Variants in GATAD2A observed in about 807,000 individuals in gnomAD.
GATAD2A encodes the protein transcriptional repressor p66-alpha.
A neutral mutation model predicts 68.5 loss-of-function variants in GATAD2A; 12 were observed. That is an observed-to-expected ratio of 0.18 (90% CI 0.11 to 0.28). GATAD2A has a LOEUF of 0.28. Ranked by LOEUF, GATAD2A falls within the 10% of genes least tolerant of loss-of-function variation. The pLI is 1.00. For synonymous variants in GATAD2A, 410 were observed against 375.3 expected (o/e 1.09, Z -1.07); for missense variants, 755 against 868.5 (o/e 0.87, Z 1.64).
chr19:19,474,127 C>A (rs1437613871), intron 2 of GATAD2A: 2 of 985,104 alleles, frequency 2.0e-6, no homozygotes, highest in African/African-American at 3.5e-5. Flanking sequence ...AGGTGTGCAT[C>A]ACATAATTTT....
Position 19,507,921 on chromosome 19 carries a change from G to A in GATAD2A, c.*2447G>A, listed in dbSNP as rs1362380965. 1 of 152,212 alleles carries A rather than the reference G, an allele frequency of 6.6e-6. No homozygotes were observed. Among genetic ancestry groups the A allele is most frequent in the Non-Finnish European group, 1.5e-5 (1 of 68,052 alleles). 9.4% of individuals were successfully genotyped at this position (152,212 alleles called of 1,614,324 possible). Reference sequence around the variant, plus strand: ...TATTATGACGTTTATGATGTTCCAGGTGAAGGCATTATTAAGTACCTCTCT... The same window carrying A: ...TATTATGACGTTTATGATGTTCCAGATGAAGGCATTATTAAGTACCTCTCT... On this transcript the variant is annotated 3_prime_UTR_variant, in exon 12 of 12. Transcript: ENST00000683918.
At chr19:19,432,056 A>G (rs2053811337) in intron 1 of GATAD2A, among the ~76,000 whole-genome samples, 1 of 151,786 alleles carries the variant, frequency 6.6e-6, no homozygotes, top group South Asian at 2.1e-4. Flanking sequence ...GCTCACCACA[A>G]CCTCCATCTC....
At chr19:19,448,745 C>T (rs1187857394) in intron 1 of GATAD2A, among the ~76,000 whole-genome samples, 2 of 152,176 alleles carry the variant, frequency 1.3e-5, no homozygotes, top group African/African-American at 2.4e-5. Flanking sequence ...CCGCCTCAGC[C>T]TCCTAAAGTG....
At chr19:19,485,415 C>T (rs1302112248) in intron 2 of GATAD2A, among the ~76,000 whole-genome samples, 4 of 152,202 alleles carry the variant, frequency 2.6e-5, no homozygotes, top group Non-Finnish European at 4.4e-5. Context: ...TGGGTGTCCC[C>T]AGTGGTTTCA....
chr19:19,407,603 A>G (rs1035109060), intron 1 of GATAD2A, among the ~76,000 whole-genome samples: 7 of 152,222 alleles, frequency 4.6e-5, no homozygotes, highest in African/African-American at 1.7e-4. Context: ...CTTCTAAAAT[A>G]CAAGGCCATT....
At position 19,450,753 on chromosome 19, in the gene GATAD2A, A is replaced by C. The variant is rs551005319; in HGVS notation, c.-6-14587A>C. On this transcript the variant is annotated intron_variant, in intron 1 of 11. Coordinates refer to ENST00000683918, the MANE Select transcript of GATAD2A (RefSeq NM_001384528.1). ...GCAACCTCATTACATTAAAAAAAAAAAAAAAAAAACTCTTTTTTTTTGTTT... is the reference window on the plus strand; with the variant it reads ...GCAACCTCATTACATTAAAAAAAAACAAAAAAAAACTCTTTTTTTTTGTTT... Among the ~76,000 whole-genome samples the C allele has an allele frequency of 7.3e-5, 11 of 151,284 alleles. 1 individual carries two copies. In the South Asian group the frequency reaches 1.9e-3, roughly 26 times the overall value.
intron 1 of GATAD2A, among the ~76,000 whole-genome samples, chr19:19,450,144 A>AG (rs766691872): frequency 3.9e-5 from 6 of 152,098 alleles, no homozygotes; most frequent in Non-Finnish European, 7.4e-5. Context: ...CAAGAACTAG[A>AG]GATGATGGGA....
intron 2 of GATAD2A, among the ~76,000 whole-genome samples, chr19:19,473,443 G>A (rs1403669720): frequency 6.6e-6 from 1 of 152,214 alleles, no homozygotes; most frequent in Non-Finnish European, 1.5e-5. Flanking sequence ...TGCAAAACCA[G>A]TCGCAATTGG....
In GATAD2A at chr19:19,482,311, G is replaced by A. The variant is rs551402206; in HGVS notation, c.270-9995G>A. On this transcript the variant is annotated intron_variant, in intron 2 of 11. Transcript: ENST00000683918. ...CCCAGTTACTGGAGAGACTGAGGCC[G>A]GAGAATCACTTGAACCTGGGAGGCA... Among the ~76,000 whole-genome samples, 80 of 152,288 alleles carry A rather than the reference G, an allele frequency of 5.3e-4. 1 individual carries two copies. The highest frequency in any genetic ancestry group is 1.7e-3 in the African/African-American group (69 of 41,562).
upstream of GATAD2A, among the ~76,000 whole-genome samples, chr19:19,405,112 G>A (rs557236304): frequency 6.6e-6 from 1 of 152,236 alleles, no homozygotes; most frequent in South Asian, 2.1e-4. Context: ...GGCAGATTGG[G>A]AGGTAACTGG....
chr19:19,408,700 C>T (rs1251024174), intron 1 of GATAD2A, among the ~76,000 whole-genome samples: 1 of 152,124 alleles, frequency 6.6e-6, no homozygotes, highest in East Asian at 1.9e-4. Flanking sequence ...ACTGTGCCTT[C>T]GACACTGCGA....
At chr19:19,472,647 T>G (rs762462565) in intron 2 of GATAD2A, 4 of 152,074 alleles carry the variant, frequency 2.6e-5, no homozygotes, top group Admixed American at 6.5e-5. Flanking sequence ...ATTTGTTTTT[T>G]TTTTTGGATG....
intron 1 of GATAD2A, among the ~76,000 whole-genome samples, chr19:19,448,521 C>G (rs1328258801): frequency 2.0e-5 from 3 of 152,208 alleles, no homozygotes; most frequent in Non-Finnish European, 4.4e-5. Flanking sequence ...CGGAGTCTCT[C>G]TCTGTCTCCC....
intron 1 of GATAD2A, among the ~76,000 whole-genome samples, chr19:19,451,121 T>C (rs1294808002): frequency 1.3e-5 from 2 of 150,814 alleles, no homozygotes; most frequent in Admixed American, 6.6e-5. Context: ...ACTCCTGTAA[T>C]CCCAGCACCT....
chr19:19,423,565 C>G lies in GATAD2A; in HGVS notation c.-7+17546C>G, dbSNP rs530690995. Among the ~76,000 whole-genome samples, 8 of 152,302 alleles carry G rather than the reference C, an allele frequency of 5.3e-5. No individual in the cohort carries two copies. The East Asian group carries it at 7.7e-4, about 15-fold the overall frequency. ...GCTGACCACGTGGCCTTAGCCAGGG[C>G]CATTGGTGCCATGGCGTGGTTAGTG... is the stretch of plus-strand genomic sequence containing the variant. On this transcript the variant is annotated intron_variant, in intron 1 of 11. Transcript: ENST00000683918.
In GATAD2A at chr19:19,428,868, G is replaced by T. The variant is rs1296199081; in HGVS notation, c.-7+22849G>T. On this transcript the variant is annotated intron_variant, in intron 1 of 11. Coordinates refer to ENST00000683918, the MANE Select transcript of GATAD2A (RefSeq NM_001384528.1). ...ACAGCTCCCCAAATAGCATGCCAGG[G>T]GTGGGGCAGGAGGGGGACATTGGCC... Among the ~76,000 whole-genome samples, 6 of 152,320 alleles carry T rather than the reference G, an allele frequency of 3.9e-5. No individual in the cohort carries two copies. In the South Asian group the frequency reaches 1.2e-3, roughly 32 times the overall value.
At chr19:19,489,552 A>T (rs1189948741) in intron 2 of GATAD2A, among the ~76,000 whole-genome samples, 1 of 152,220 alleles carries the variant, frequency 6.6e-6, no homozygotes, top group Non-Finnish European at 1.5e-5. Flanking sequence ...TGGATGAGTT[A>T]TTGATTAGTC....
intron 1 of GATAD2A, among the ~76,000 whole-genome samples, chr19:19,399,049 A>G (rs2049496860): frequency 7.0e-6 from 1 of 143,860 alleles, no homozygotes; most frequent in African/African-American, 2.6e-5. Context: ...ACAGAGTGAG[A>G]CTCCGTCTCA....
At chr19:19,472,186 C>T (rs1056738273) in intron 2 of GATAD2A, among the ~76,000 whole-genome samples, 1 of 152,206 alleles carries the variant, frequency 6.6e-6, no homozygotes, top group Admixed American at 6.6e-5. Context: ...TGAGCCACGG[C>T]ACCAGGCCGG....
Sources: allele counts gnomAD v4.1 joint callset (sites outside exome capture counted in the v4.1 genomes callset), GRCh38; gene constraint gnomAD v4.1.1; transcripts MANE v1.5; gene names NCBI Gene and HGNC (gene_info 2026-07-23, HGNC 2026-07-21).